The following REEP6 variants were observed in gnomAD, a reference collection of about 807,000 sequenced individuals.
The protein encoded by REEP6 is receptor accessory protein 6.
In REEP6, 19 loss-of-function variants were observed where a neutral mutation model predicts 22.4. The observed-to-expected ratio is 0.85, with a 90% confidence interval of 0.59 to 1.25. The LOEUF is 1.25. Among genes scored for constraint, REEP6 ranks in the 50% most tolerant of loss-of-function variants. The pLI is 0.00. For synonymous variants in REEP6, 121 were observed against 113.6 expected, an observed-to-expected ratio of 1.06 and a Z score of -0.41; for missense variants, 273 against 251.9, an observed-to-expected ratio of 1.08 and a Z score of -0.57.
rs778891250 is a variant in REEP6 at position 1,497,393 on chromosome 19, C to T, written c.*182C>T. On this transcript the variant is annotated 3_prime_UTR_variant, in exon 5 of 5. Transcript: ENST00000233596. This position sits in a 1 kb window ranked among gnomAD's most constrained non-coding sequence, Gnocchi z 6.5. ...CCTCGGGCAAGTCCCAGTCCCAGTC[C>T]TCGGCCACCCCCAGCTCTGGATCCC... 3.9e-5 allele frequency: 28 copies of T among 722,100 alleles called. No homozygotes were observed. Among genetic ancestry groups the T allele is most frequent in the Admixed American group, 1.4e-4 (7 of 49,930 alleles). The allele number at this position is 722,100 out of a possible 1,614,324, so 44.7% of individuals were successfully genotyped here. A position where few individuals can be genotyped will look rare whatever the true frequency, so the allele number is the denominator to read the frequency against.
In REEP6 at chr19:1,495,335, G is replaced by A. The variant is rs756089270; in HGVS notation, c.157G>A (p.Gly53Arg). The change falls in exon 2 of 5, where the codon GGA becomes AGA. Residue 53 changes from glycine (G) to arginine (R), a missense_variant. Transcript: ENST00000233596. Reference protein sequence around the residue: ...LLSLYLLFGYGASLLCNLIGF... With the variant: ...LLSLYLLFGYRASLLCNLIGF... ...AAGCCTGTATCTGCTGTTCGGCTAC[G>A]GAGCGTCTCTGCTGTGCAATCTCAT... The A allele has an allele frequency of 4.5e-5, 73 of 1,613,468 alleles. 1 individual carries two copies. Among genetic ancestry groups the A allele is most frequent in the Middle Eastern group, 1.6e-4 (1 of 6,084 alleles).
At chr19:1,496,742 G>A (rs935602355) in intron 4 of REEP6, 7 of 644,244 alleles carry the variant, frequency 1.1e-5, no homozygotes, top group South Asian at 1.1e-4. Flanking sequence ...GTGTGTTTGA[G>A]CGTATGTTTG....
intron 1 of REEP6, among the ~76,000 whole-genome samples, chr19:1,494,456 C>T (rs1003305507): frequency 6.6e-6 from 1 of 152,150 alleles, no homozygotes; most frequent in Non-Finnish European, 1.5e-5. Flanking sequence ...ACAGCCACTT[C>T]CCCCTCTCCA....
intron 4 of REEP6, among the ~76,000 whole-genome samples, chr19:1,496,825 GTA>G (rs2085012470): frequency 6.6e-6 from 1 of 151,928 alleles, no homozygotes; most frequent in Non-Finnish European, 1.5e-5. Context: ...GGGCTCAAGT[GTA>G]TGTTTGGTGT....
chr19:1,495,499 C>T lies in REEP6; in HGVS notation c.240C>T (p.Asp80=), dbSNP rs748662323. 5.6e-6 allele frequency: 9 copies of T among 1,613,922 alleles called. No individual in the cohort carries two copies. The highest frequency in any genetic ancestry group is 2.2e-5 in the South Asian group (2 of 91,088). Residue 80 remains aspartate (D), a synonymous_variant, in exon 3 of 5, where the codon GAC becomes GAT. Transcript: ENST00000233596. ...SIKAIESPSK[D]DDTVWLTYWV... ...AAGCTATCGAGAGCCCAAGCAAGGA[C>T]GACGACACTGTGTGGCTCACCTACT...
At chr19:1,496,506 T>C (rs1486435568) in intron 4 of REEP6, 53 bp downstream of exon 4, 5 of 1,589,532 alleles carry the variant, frequency 3.1e-6, no homozygotes, top group East Asian at 2.3e-5. Flanking sequence ...GGTCTGGACC[T>C]GTCTCTCTCC....
chr19:1,494,262 C>T (rs897043743), intron 1 of REEP6, among the ~76,000 whole-genome samples: 1 of 152,096 alleles, frequency 6.6e-6, no homozygotes, highest in Non-Finnish European at 1.5e-5. Context: ...CCCAGGGGAT[C>T]GAGATGCTGG....
chr19:1,494,254 C>G (rs1439809626), intron 1 of REEP6, among the ~76,000 whole-genome samples: 1 of 152,152 alleles, frequency 6.6e-6, no homozygotes, highest in Non-Finnish European at 1.5e-5. Context: ...CTCCTCCACC[C>G]AGGGGATCGA....
Position 1,497,298 on chromosome 19 carries a change from C to A in REEP6, c.*87C>A. 1 of 1,209,360 alleles carries A rather than the reference C, an allele frequency of 8.3e-7. No individual in the cohort carries two copies. The highest frequency in any genetic ancestry group is 1.5e-5 in the African/African-American group (1 of 66,680). The allele number at this position is 1,209,360 out of a possible 1,614,324, so 74.9% of individuals were successfully genotyped here. A position where few individuals can be genotyped will look rare whatever the true frequency, so the allele number is the denominator to read the frequency against. On this transcript the variant is annotated 3_prime_UTR_variant, in exon 5 of 5. Coordinates refer to ENST00000233596, the MANE Select transcript of REEP6 (RefSeq NM_138393.4). This position sits in a 1 kb window ranked among gnomAD's most constrained non-coding sequence, Gnocchi z 6.5. ...CCAGGCCTCCACAGAGTCTTCAGCGCATCCCCCAACAGCAGCCCCTGCCAG... is the reference window on the plus strand; with the variant it reads ...CCAGGCCTCCACAGAGTCTTCAGCGAATCCCCCAACAGCAGCCCCTGCCAG...
chr19:1,491,428 G>A lies in REEP6; in HGVS notation c.115+44G>A. The A allele has an allele frequency of 2.3e-6, 3 of 1,310,382 alleles. No homozygotes were observed. Among genetic ancestry groups the A allele is most frequent in the South Asian group, 1.7e-5 (1 of 57,942 alleles). The allele number at this position is 1,310,382 out of a possible 1,614,324, so 81.2% of individuals were successfully genotyped here. On this transcript the variant is annotated intron_variant, in intron 1 of 4. Coordinates refer to ENST00000233596, the MANE Select transcript of REEP6 (RefSeq NM_138393.4). This position sits in a 1 kb window ranked among gnomAD's most constrained non-coding sequence, Gnocchi z 5.4. ...CCCGTTTCGCCGACGGGCACACCGA[G>A]GCCATGGGCCTGGGGGTCGCAGACC...
rs1461912146 is a variant in REEP6, at chr19:1,491,371, G to A, written c.102G>A (p.Arg34=). 8.9e-6 allele frequency: 13 copies of A among 1,464,144 alleles called. No individual in the cohort carries two copies. Among genetic ancestry groups the A allele is most frequent in the Non-Finnish European group, 1.1e-5 (12 of 1,108,300 alleles). The allele number at this position is 1,464,144 out of a possible 1,614,324, so 90.7% of individuals were successfully genotyped here. ...ALEAKTGVEK[R]YLAAGAVTLL... is the part of the protein sequence containing the mutation. ...AGGCCAAGACCGGGGTGGAGAAGCG[G>A]TATCTGGCTGCAGGTGAGCCGTCGG... Residue 34 remains arginine, a synonymous_variant, in exon 1 of 5, where the codon CGG becomes CGA. Coordinates refer to ENST00000233596, the MANE Select transcript of REEP6 (RefSeq NM_138393.4). The surrounding 1 kb of genome is among the most constrained non-coding windows in gnomAD (Gnocchi z 5.4).
In REEP6 at chr19:1,491,960, T is replaced by C. The variant is rs1292413961; in HGVS notation, c.115+576T>C. 6.6e-6 allele frequency among the ~76,000 whole-genome samples: 1 copy of C among 152,154 alleles called. No homozygotes were observed. The highest frequency in any genetic ancestry group is 1.5e-5 in the Non-Finnish European group (1 of 68,022). On this transcript the variant is annotated intron_variant, in intron 1 of 4. Coordinates refer to ENST00000233596, the MANE Select transcript of REEP6 (RefSeq NM_138393.4). The surrounding 1 kb of genome is among the most constrained non-coding windows in gnomAD (Gnocchi z 5.4). ...CGGCTGTGATGTGGGGAGGCTGGAC[T>C]GGGGCCCACAGAGCCGGAGATCCAG... is the stretch of plus-strand genomic sequence containing the variant.
rs200328068 is a variant in REEP6, at chr19:1,495,382, T to C, written c.204T>C (p.Tyr68=). ...TCATCGGATTTGTGTACCCCGCATATGCCTCGTGAGTGCACGGCTGGCTGC... is the reference window on the plus strand; with the variant it reads ...TCATCGGATTTGTGTACCCCGCATACGCCTCGTGAGTGCACGGCTGGCTGC... ...CNLIGFVYPA[Y]ASIKAIESPS... is the part of the protein sequence containing the mutation. Residue 68 remains tyrosine (Y), a synonymous_variant, in exon 2 of 5, where the codon TAT becomes TAC. Transcript: ENST00000233596. The C allele has an allele frequency of 3.7e-6, 6 of 1,613,858 alleles. No homozygotes were observed. Among genetic ancestry groups the C allele is most frequent in the Middle Eastern group, 3.3e-4 (2 of 6,062 alleles).
In REEP6 at chr19:1,495,454, G is replaced by A; in HGVS notation, c.210-15G>A. 6.2e-7 allele frequency: 1 copy of A among 1,613,868 alleles called. No individual in the cohort carries two copies. On this transcript the variant is annotated splice_polypyrimidine_tract_variant and intron_variant, in intron 2 of 4. Coordinates refer to ENST00000233596, the MANE Select transcript of REEP6 (RefSeq NM_138393.4). ...CTCCCTGGCAGCCCCTGACCCTGCT[G>A]CACCCTCCCTGCAGAATCAAAGCTA... is the stretch of plus-strand genomic sequence containing the variant.
At position 1,497,619 on chromosome 19, in the gene REEP6, A is replaced by G. The variant is rs1208213649; in HGVS notation, c.*408A>G. 2.0e-6 allele frequency: 1 copy of G among 506,704 alleles called. No individual in the cohort carries two copies. Among genetic ancestry groups the G allele is most frequent in the East Asian group, 5.7e-5 (1 of 17,408 alleles). The allele number at this position is 506,704 out of a possible 1,614,324, so 31.4% of individuals were successfully genotyped here. A position where few individuals can be genotyped will look rare whatever the true frequency, so the allele number is the denominator to read the frequency against. On this transcript the variant is annotated 3_prime_UTR_variant, in exon 5 of 5. Transcript: ENST00000233596. This position sits in a 1 kb window ranked among gnomAD's most constrained non-coding sequence, Gnocchi z 6.5. ...CGTCACCTCCAGCCCGGTCTCACCC[A>G]TGGTCCAGTCTCCCAGCAGCAGCAA...
In REEP6 at chr19:1,491,600, G is replaced by A. The variant is rs1028794288; in HGVS notation, c.115+216G>A. 1.5e-4 allele frequency among the ~76,000 whole-genome samples: 23 copies of A among 152,132 alleles called. No individual in the cohort carries two copies. Among genetic ancestry groups the A allele is most frequent in the Non-Finnish European group, 8.8e-5 (6 of 68,010 alleles). ...CCCTCTCTAGCTTCCGCCCCTGGCCGCCCCCCGACGCCTCCTTCCGGGCGC... is the reference window on the plus strand; with the variant it reads ...CCCTCTCTAGCTTCCGCCCCTGGCCACCCCCCGACGCCTCCTTCCGGGCGC... On this transcript the variant is annotated intron_variant, in intron 1 of 4. Coordinates refer to ENST00000233596, the MANE Select transcript of REEP6 (RefSeq NM_138393.4). The surrounding 1 kb of genome is among the most constrained non-coding windows in gnomAD (Gnocchi z 5.4).
At chr19:1,495,219 G>A (rs1264024246) in intron 1 of REEP6, 75 bp from the exon 2 acceptor site, 5 of 1,464,288 alleles carry the variant, frequency 3.4e-6, no homozygotes, top group Non-Finnish European at 4.7e-6. Flanking sequence ...TTCGTCGACT[G>A]AAAGGCGGCC....
chr19:1,497,670 T>G lies in REEP6; in HGVS notation c.*459T>G, dbSNP rs1297369220. 1 of 474,812 alleles carries G rather than the reference T, an allele frequency of 2.1e-6. No individual in the cohort carries two copies. The highest frequency in any genetic ancestry group is 2.4e-5 in the Admixed American group (1 of 42,322). 29.4% of individuals were successfully genotyped at this position (474,812 alleles called of 1,614,324 possible). On this transcript the variant is annotated 3_prime_UTR_variant, in exon 5 of 5. Coordinates refer to ENST00000233596, the MANE Select transcript of REEP6 (RefSeq NM_138393.4). This position sits in a 1 kb window ranked among gnomAD's most constrained non-coding sequence, Gnocchi z 6.5. Reference sequence around the variant, plus strand: ...CATCCCCACGCAGCCCCCCAGCAAGTCCTCTGGCAAGCCGGAGGACGCAGC... The same window carrying G: ...CATCCCCACGCAGCCCCCCAGCAAGGCCTCTGGCAAGCCGGAGGACGCAGC...
chr19:1,496,717 TGCGCGC>T (rs34524945), intron 4 of REEP6: 18 of 584,096 alleles, frequency 3.1e-5, no homozygotes, highest in African/African-American at 2.8e-4. Flanking sequence ...TGTGTGTGTG[TGCGCGC>T]GCGCGCGCGT....
Sources: gnomAD v4.1 joint callset for allele counts (sites outside exome capture counted in the v4.1 genomes callset) on GRCh38, gnomAD v4.1.1 for gene constraint, Gnocchi (gnomAD v3.1) non-coding constraint, MANE v1.5 for transcripts, NCBI Gene and HGNC (gene_info 2026-07-23, HGNC 2026-07-21) for gene names.